TMEM132D: variants seen among roughly 807,000 people sequenced by gnomAD.
The protein encoded by TMEM132D is mature OL transmembrane protein.
Under a neutral mutation model 62.3 loss-of-function variants are expected in TMEM132D, and 21 were observed. The observed-to-expected ratio is 0.34, with a 90% CI of 0.24 to 0.49. TMEM132D has a LOEUF of 0.49. TMEM132D is among the 20% of genes least tolerant of loss of function. The pLI is 0.99. For synonymous variants in TMEM132D, 621 were observed against 575.6 expected (o/e 1.08, Z -1.13); for missense variants, 1,346 against 1,402.8 (o/e 0.96, Z 0.65).
intron 4 of TMEM132D, among the ~76,000 whole-genome samples, chr12:129,313,419 T>C (rs1184163526): frequency 1.3e-5 from 2 of 152,204 alleles, no homozygotes; most frequent in Non-Finnish European, 2.9e-5. Context: ...CATACAATGT[T>C]TGACTTTCCA....
intron 3 of TMEM132D, among the ~76,000 whole-genome samples, chr12:129,442,218 C>G (rs1872957854): frequency 6.6e-6 from 1 of 152,152 alleles, no homozygotes; most frequent in Non-Finnish European, 1.5e-5. Context: ...GGCAATGGAG[C>G]CTGAGAATCA....
chr12:129,775,271 T>G (rs1371494449), intron 1 of TMEM132D, among the ~76,000 whole-genome samples: 5 of 152,118 alleles, frequency 3.3e-5, no homozygotes, highest in African/African-American at 1.2e-4. Flanking sequence ...TTTCTGCAAG[T>G]AAGGCTTTGG....
chr12:129,391,008 C>G (rs1012596907), intron 3 of TMEM132D, among the ~76,000 whole-genome samples: 1 of 152,216 alleles, frequency 6.6e-6, no homozygotes, highest in Non-Finnish European at 1.5e-5. Context: ...GCATATCTAG[C>G]ACACAGTACA....
intron 1 of TMEM132D, among the ~76,000 whole-genome samples, chr12:129,742,356 A>T (rs1371639860): frequency 1.3e-5 from 2 of 152,162 alleles, no homozygotes; most frequent in Non-Finnish European, 2.9e-5. Context: ...GGGAGCCAAC[A>T]TGTCACATGG....
chr12:129,181,839 T>C (rs7308028), intron 5 of TMEM132D, among the ~76,000 whole-genome samples: 5,930 of 152,316 alleles, frequency 0.039, 143 homozygotes, highest in South Asian at 0.091. Flanking sequence ...CCATCCTTTA[T>C]TTGTCCATTT....
intron 1 of TMEM132D, among the ~76,000 whole-genome samples, chr12:129,705,811 A>G (rs1274152505): frequency 6.6e-6 from 1 of 152,180 alleles, no homozygotes; most frequent in African/African-American, 2.4e-5. Flanking sequence ...GTAATAAAAA[A>G]TTCAGAATCC....
At chr12:129,120,177 A>G (rs1876013857) in intron 5 of TMEM132D, among the ~76,000 whole-genome samples, 1 of 152,204 alleles carries the variant, frequency 6.6e-6, no homozygotes, top group South Asian at 2.1e-4. Context: ...TGTTTTGTGC[A>G]TGAGAGTGAA....
intron 1 of TMEM132D, among the ~76,000 whole-genome samples, chr12:129,714,209 C>A (rs1160018885): frequency 6.6e-6 from 1 of 152,194 alleles, no homozygotes; most frequent in African/African-American, 2.4e-5. Context: ...CTCATCCAGT[C>A]TCAACACAAA....
chr12:129,329,976 A>G (rs1448049403), intron 4 of TMEM132D, among the ~76,000 whole-genome samples: 6 of 152,198 alleles, frequency 3.9e-5, no homozygotes, highest in Non-Finnish European at 7.3e-5. Context: ...ACAATAGTAA[A>G]ATTATATGGT....
At chr12:129,450,913 A>G (rs1350357666) in intron 3 of TMEM132D, among the ~76,000 whole-genome samples, 10 of 342 alleles carry the variant, frequency 0.029, no homozygotes, top group East Asian at 0.14. Context: ...CTGCCACCAC[A>G]CCACCACACC....
intron 4 of TMEM132D, among the ~76,000 whole-genome samples, chr12:129,309,706 A>G (rs1319619997): frequency 6.6e-6 from 1 of 152,138 alleles, no homozygotes; most frequent in Non-Finnish European, 1.5e-5. Flanking sequence ...TGTCGTATAG[A>G]TAGAAAAATT....
chr12:129,188,710 A>C (rs1388832533), intron 5 of TMEM132D, among the ~76,000 whole-genome samples: 2 of 150,446 alleles, frequency 1.3e-5, no homozygotes, highest in Non-Finnish European at 3.0e-5. Context: ...ATAGATAGAT[A>C]ATAGAGATAA....
Position 129,447,455 on chromosome 12 carries a change from A to G in TMEM132D, c.1115+83604T>C, listed in dbSNP as rs138955952. On this transcript the variant is annotated intron_variant, in intron 3 of 8. Coordinates refer to ENST00000422113, the MANE Select transcript of TMEM132D (RefSeq NM_133448.3). ...ACACAACCAATAAGAAAATAAAGTGATGTTATTAATCCTAACTACATACTG... is the reference window on the plus strand; with the variant it reads ...ACACAACCAATAAGAAAATAAAGTGGTGTTATTAATCCTAACTACATACTG... Among the ~76,000 whole-genome samples, 898 of 152,304 alleles carry G rather than the reference A, an allele frequency of 5.9e-3. 15 individuals are homozygous for G. The highest frequency in any genetic ancestry group is 0.021 in the African/African-American group (863 of 41,562).
chr12:129,525,727 A>G (rs1372493490), intron 3 of TMEM132D, among the ~76,000 whole-genome samples: 2 of 152,226 alleles, frequency 1.3e-5, no homozygotes, highest in Non-Finnish European at 2.9e-5. Flanking sequence ...CCAGACAGAC[A>G]TCACTGCGAC....
Position 129,779,106 on chromosome 12 carries a change from G to A in TMEM132D, c.80-78408C>T, listed in dbSNP as rs565572811. Among the ~76,000 whole-genome samples, 42 of 152,170 alleles carry A rather than the reference G, an allele frequency of 2.8e-4. No individual in the cohort carries two copies. Among genetic ancestry groups the A allele is most frequent in the African/African-American group, 8.4e-4 (35 of 41,510 alleles). On this transcript the variant is annotated intron_variant, in intron 1 of 8. Transcript: ENST00000422113. This position sits in a 1 kb window ranked among gnomAD's most constrained non-coding sequence, Gnocchi z 4.1. ...AATGTCCTTACCATTCTCATACAAC[G>A]AGGCGACTGCAACAGCTCCAGGCAT...
intron 4 of TMEM132D, among the ~76,000 whole-genome samples, chr12:129,311,543 A>T (rs7299734): frequency 0.99 from 150,190 of 152,284 alleles, 74,092 homozygotes; most frequent in Middle Eastern, 1. Flanking sequence ...GTTTAAAAAA[A>T]TTAGAATCGA....
chr12:129,187,168 T>A (rs1369819313), intron 5 of TMEM132D, among the ~76,000 whole-genome samples: 3 of 151,844 alleles, frequency 2.0e-5, no homozygotes, highest in Non-Finnish European at 4.4e-5. Flanking sequence ...AATAGAGGAG[T>A]CCTAGGGGGA....
chr12:129,746,212 G>C (rs1363661810), intron 1 of TMEM132D, among the ~76,000 whole-genome samples: 2 of 152,326 alleles, frequency 1.3e-5, no homozygotes, highest in East Asian at 3.9e-4. Flanking sequence ...TTGGCAGAGG[G>C]TCAAGGTGGG....
At chr12:129,834,642 C>A (rs749090344) in intron 1 of TMEM132D, among the ~76,000 whole-genome samples, 1 of 152,154 alleles carries the variant, frequency 6.6e-6, no homozygotes, top group African/African-American at 2.4e-5. Flanking sequence ...GGACCTGAGT[C>A]GGTTTCAGGA....
Sources: allele counts gnomAD v4.1 joint callset (sites outside exome capture counted in the v4.1 genomes callset), GRCh38; gene constraint gnomAD v4.1.1; non-coding constraint Gnocchi (gnomAD v3.1); transcripts MANE v1.5; gene names NCBI Gene and HGNC (gene_info 2026-07-23, HGNC 2026-07-21).